MYT1L: variants seen among roughly 807,000 people sequenced by gnomAD.
The protein encoded by MYT1L is myelin transcription factor 1-like protein.
Under a neutral mutation model 126.7 loss-of-function variants are expected in MYT1L, and 12 were observed. The ratio of observed to expected loss-of-function variants is 0.09; its 90% CI spans 0.06 to 0.15. The LOEUF is 0.15. Ranked by LOEUF, MYT1L falls within the 10% of genes least tolerant of loss-of-function variation. The probability of loss-of-function intolerance (pLI) is 1.00; values close to 1 mark genes in which losing one functional copy is unlikely to be tolerated. For missense variants in MYT1L, 979 were observed against 1,585.2 expected (o/e 0.62, Z 6.49); for synonymous variants, 541 against 604.2 (o/e 0.90, Z 1.53).
chr2:2,192,582 G>A (rs1184689634), intron 2 of MYT1L, among the ~76,000 whole-genome samples: 2 of 152,076 alleles, frequency 1.3e-5, no homozygotes, highest in Non-Finnish European at 2.9e-5. Flanking sequence ...ATACTTAATT[G>A]TCATTCAGTG....
intron 2 of MYT1L, among the ~76,000 whole-genome samples, chr2:2,250,592 G>C (rs1444079559): frequency 6.7e-6 from 1 of 149,734 alleles, no homozygotes; most frequent in Non-Finnish European, 1.5e-5. Flanking sequence ...ATAAGGCCTA[G>C]TTATTTGATA....
chr2:1,903,610 G>A (rs554306673), intron 13 of MYT1L, among the ~76,000 whole-genome samples: 5 of 152,190 alleles, frequency 3.3e-5, no homozygotes, highest in Admixed American at 3.3e-4. Flanking sequence ...TGAGGATGGG[G>A]ACAATTCCAG....
At chr2:2,214,727 T>G (rs2148930896) in intron 2 of MYT1L, among the ~76,000 whole-genome samples, 1 of 152,018 alleles carries the variant, frequency 6.6e-6, no homozygotes, top group African/African-American at 2.4e-5. Flanking sequence ...TGAAATGAAG[T>G]CTCCACACAG....
At chr2:2,251,268 A>G (rs1459577991) in intron 2 of MYT1L, among the ~76,000 whole-genome samples, 1 of 152,138 alleles carries the variant, frequency 6.6e-6, no homozygotes, top group East Asian at 1.9e-4. Flanking sequence ...ATGAGCCCAT[A>G]TTCCTTTTAT....
intron 2 of MYT1L, among the ~76,000 whole-genome samples, chr2:2,214,879 A>T (rs548795615): frequency 6.6e-6 from 1 of 152,322 alleles, no homozygotes; most frequent in East Asian, 1.9e-4. Context: ...ATAATAATGT[A>T]GTGTGTCATT....
At chr2:2,302,962 T>C (rs1275853764) in intron 1 of MYT1L, among the ~76,000 whole-genome samples, 1 of 152,214 alleles carries the variant, frequency 6.6e-6, no homozygotes, top group African/African-American at 2.4e-5. Context: ...TACATGTATT[T>C]ATTTTTAGTC....
intron 23 of MYT1L, among the ~76,000 whole-genome samples, chr2:1,797,284 C>T (rs116003451): frequency 6.6e-6 from 1 of 152,188 alleles, no homozygotes; most frequent in Non-Finnish European, 1.5e-5. Context: ...CCGCCCATGG[C>T]GCGATCTTGG....
At chr2:2,190,179 G>A (rs143827573) in intron 2 of MYT1L, among the ~76,000 whole-genome samples, 3 of 151,434 alleles carry the variant, frequency 2.0e-5, no homozygotes, top group East Asian at 3.9e-4. Context: ...GAAGAAGGAC[G>A]GGCACAGTGG....
chr2:2,244,691 G>A (rs1296461357), intron 2 of MYT1L, among the ~76,000 whole-genome samples: 1 of 152,204 alleles, frequency 6.6e-6, no homozygotes, highest in Non-Finnish European at 1.5e-5. Flanking sequence ...GTGGAGAAGA[G>A]GGGAAATGGT....
intron 1 of MYT1L, among the ~76,000 whole-genome samples, chr2:2,294,321 A>G (rs1485904248): frequency 1.3e-5 from 2 of 152,198 alleles, no homozygotes; most frequent in East Asian, 3.9e-4. Context: ...CCCAAGCACA[A>G]CAAAAGCCTG....
At chr2:2,020,997 A>G (rs76926745) in intron 4 of MYT1L, among the ~76,000 whole-genome samples, 1 of 152,306 alleles carries the variant, frequency 6.6e-6, no homozygotes, top group African/African-American at 2.4e-5. Flanking sequence ...TGCACAGGTG[A>G]GTCTGCGTCC....
chr2:2,313,361 G>A (rs555483552), intron 1 of MYT1L, among the ~76,000 whole-genome samples: 1 of 152,264 alleles, frequency 6.6e-6, no homozygotes, highest in Non-Finnish European at 1.5e-5. Context: ...ATGCTCAGAG[G>A]TGGGTATAGC....
At chr2:1,837,396 C>A (rs1021088472) in intron 21 of MYT1L, among the ~76,000 whole-genome samples, 4 of 152,116 alleles carry the variant, frequency 2.6e-5, no homozygotes, top group Non-Finnish European at 5.9e-5. Flanking sequence ...GTCAAATGGG[C>A]AGGGTTTTTA....
intron 23 of MYT1L, among the ~76,000 whole-genome samples, chr2:1,798,241 C>T (rs181577326): frequency 8.9e-4 from 122 of 137,442 alleles, no homozygotes; most frequent in Middle Eastern, 4.3e-3. Context: ...GGCACAGGCG[C>T]GGCGGTCTCC....
intron 17 of MYT1L, 128 bp from the exon 18 acceptor site, chr2:1,886,735 A>AT (rs892861657): frequency 3.5e-4 from 155 of 447,600 alleles, no homozygotes; most frequent in Non-Finnish European, 4.4e-4. Context: ...TGTATATTGA[A>AT]TTTTTTTTTG....
chr2:1,838,327 T>C (rs2041181097), intron 21 of MYT1L, among the ~76,000 whole-genome samples: 1 of 152,224 alleles, frequency 6.6e-6, no homozygotes, highest in Non-Finnish European at 1.5e-5. Context: ...CACCTATTAC[T>C]GAACATGCCA....
intron 2 of MYT1L, among the ~76,000 whole-genome samples, chr2:2,266,454 G>A (rs918034008): frequency 6.6e-6 from 1 of 152,140 alleles, no homozygotes; most frequent in African/African-American, 2.4e-5. Flanking sequence ...TTGTGTGGAA[G>A]CCACAAAGGC....
chr2:2,038,890 A>ACT (rs1326409792), intron 4 of MYT1L, among the ~76,000 whole-genome samples: 1 of 150,774 alleles, frequency 6.6e-6, no homozygotes, highest in Non-Finnish European at 1.5e-5. Flanking sequence ...TTCAGGCATC[A>ACT]CTCTTTCCAG....
intron 23 of MYT1L, among the ~76,000 whole-genome samples, chr2:1,798,691 G>A (rs959331686): frequency 6.6e-6 from 1 of 152,234 alleles, no homozygotes; most frequent in African/African-American, 2.4e-5. Flanking sequence ...GCTCCCTGAG[G>A]GTGTGCGGGC....
Sources: gnomAD v4.1 joint callset for allele counts (sites outside exome capture counted in the v4.1 genomes callset) on GRCh38, gnomAD v4.1.1 for gene constraint, MANE v1.5 for transcripts, NCBI Gene and HGNC (gene_info 2026-07-23, HGNC 2026-07-21) for gene names.